Variants in SLC35F4 observed in about 807,000 individuals in gnomAD.
SLC35F4 encodes the protein solute carrier family 35 member F4, also known as chromosome 14 open reading frame 36.
In SLC35F4, 24 loss-of-function variants were observed where a neutral mutation model predicts 44.2. The ratio of observed to expected loss-of-function variants is 0.54; its 90% CI spans 0.39 to 0.76. The LOEUF (loss-of-function observed/expected upper bound fraction) is 0.76, where lower values mean the gene tolerates loss of function less well. Ranked by LOEUF, SLC35F4 falls within the 30% of genes least tolerant of loss-of-function variation. SLC35F4 has a pLI of 0.00. For synonymous variants in SLC35F4, 238 were observed against 223.6 expected, an observed-to-expected ratio of 1.06 and a Z score of -0.57; for missense variants, 562 against 586.1, an observed-to-expected ratio of 0.96 and a Z score of 0.42.
chr14:57,828,682 G>A (rs1354567559), intron 1 of SLC35F4, among the ~76,000 whole-genome samples: 1 of 152,086 alleles, frequency 6.6e-6, no homozygotes, highest in Non-Finnish European at 1.5e-5. Flanking sequence ...CACCACTCCT[G>A]GTCTCAGTGG....
chr14:57,659,589 C>G (rs747712375), intron 1 of SLC35F4, among the ~76,000 whole-genome samples: 17 of 152,122 alleles, frequency 1.1e-4, no homozygotes, highest in Non-Finnish European at 1.9e-4. Flanking sequence ...GGTAAAGTAT[C>G]TTGTCCAAGG....
intron 1 of SLC35F4, among the ~76,000 whole-genome samples, chr14:57,675,476 T>C (rs2074661941): frequency 6.6e-6 from 1 of 152,034 alleles, no homozygotes; most frequent in African/African-American, 2.4e-5. Context: ...CAATTTGACT[T>C]CCTCTTTTCC....
intron 1 of SLC35F4, among the ~76,000 whole-genome samples, chr14:57,697,760 C>T (rs1291627560): frequency 2.0e-5 from 3 of 151,630 alleles, no homozygotes; most frequent in African/African-American, 7.3e-5. Flanking sequence ...ATTCCATTGC[C>T]AGAATAAGTT....
intron 1 of SLC35F4, among the ~76,000 whole-genome samples, chr14:57,646,338 T>C (rs1293104563): frequency 1.3e-5 from 2 of 152,212 alleles, no homozygotes; most frequent in African/African-American, 2.4e-5. Flanking sequence ...CACTTCTTCC[T>C]GGTTTAGTCT....
At chr14:57,759,436 T>C (rs2077070638) in intron 1 of SLC35F4, among the ~76,000 whole-genome samples, 1 of 152,060 alleles carries the variant, frequency 6.6e-6, no homozygotes, top group Admixed American at 6.6e-5. Context: ...AAAAATTAGC[T>C]AGGCATAGTG....
chr14:57,625,401 T>A (rs899443341), intron 1 of SLC35F4, among the ~76,000 whole-genome samples: 3 of 152,128 alleles, frequency 2.0e-5, no homozygotes, highest in Admixed American at 6.6e-5. Flanking sequence ...AATTCAATGC[T>A]ATCCCTATCA....
intron 1 of SLC35F4, among the ~76,000 whole-genome samples, chr14:57,900,422 C>T (rs1479628699): frequency 6.8e-6 from 1 of 147,920 alleles, no homozygotes; most frequent in Non-Finnish European, 1.5e-5. Context: ...CACCTCTGGC[C>T]CCCACACTAA....
At chr14:57,974,004 T>C (rs1006187145), downstream of SLC35F4, among the ~76,000 whole-genome samples, 2 of 152,148 alleles carry the variant, frequency 1.3e-5, no homozygotes, top group Non-Finnish European at 2.9e-5. Context: ...CCCCAAGAGT[T>C]AGTGGCTTAA....
intron 1 of SLC35F4, among the ~76,000 whole-genome samples, chr14:57,611,704 T>C (rs2071519755): frequency 6.6e-6 from 1 of 151,674 alleles, no homozygotes; most frequent in African/African-American, 2.4e-5. Context: ...ACCTCCCAGG[T>C]GATTAATGAA....
chr14:57,929,740 C>A lies in SLC35F4; in HGVS notation n.282+52173G>T, dbSNP rs538732314. ...ATTATCTTCTTTCTCCAGAAGAAAG[C>A]CGCATGTTATAAAATGTCAGACAGC... On this transcript the variant is annotated intron_variant and non_coding_transcript_variant, in intron 1 of 1. Transcript: ENST00000556568. Among the ~76,000 whole-genome samples, 8 of 152,238 alleles carry A rather than the reference C, an allele frequency of 5.3e-5. No individual in the cohort carries two copies. In the East Asian group the frequency reaches 1.5e-3, roughly 29 times the overall value.
chr14:57,839,678 G>A (rs958474909), intron 1 of SLC35F4, among the ~76,000 whole-genome samples: 4 of 151,944 alleles, frequency 2.6e-5, no homozygotes, highest in South Asian at 2.1e-4. Flanking sequence ...TGGGTGGATC[G>A]GTGCAGCAAA....
intron 1 of SLC35F4, among the ~76,000 whole-genome samples, chr14:57,823,489 G>A (rs965693298): frequency 6.6e-6 from 1 of 152,172 alleles, no homozygotes; most frequent in African/African-American, 2.4e-5. Context: ...CAGGGGAGTG[G>A]CATAAATTTG....
At chr14:57,636,399 A>C (rs1487185646) in intron 1 of SLC35F4, among the ~76,000 whole-genome samples, 1 of 152,120 alleles carries the variant, frequency 6.6e-6, no homozygotes, top group Non-Finnish European at 1.5e-5. Flanking sequence ...ACACATTTGC[A>C]GCACACTTGT....
intron 1 of SLC35F4, among the ~76,000 whole-genome samples, chr14:57,628,445 C>G (rs998366141): frequency 9.2e-5 from 13 of 141,128 alleles, no homozygotes; most frequent in Non-Finnish European, 1.8e-4. Context: ...TATCCCTCCC[C>G]TAGCCTCCCA....
upstream of SLC35F4, among the ~76,000 whole-genome samples, chr14:57,870,348 G>C (rs1356723292): frequency 6.6e-6 from 1 of 152,102 alleles, no homozygotes; most frequent in East Asian, 1.9e-4. Context: ...CTTTGGAGCA[G>C]ACTGCCAGGA....
At chr14:57,977,694 AT>A (rs1477438169) in intron 1 of SLC35F4, among the ~76,000 whole-genome samples, 1 of 152,122 alleles carries the variant, frequency 6.6e-6, no homozygotes, top group East Asian at 1.9e-4. Context: ...TTTTACTGAC[AT>A]TTTTCCTCCA....
intron 1 of SLC35F4, among the ~76,000 whole-genome samples, chr14:57,960,020 A>T (rs1890310724): frequency 6.6e-6 from 1 of 152,196 alleles, no homozygotes; most frequent in African/African-American, 2.4e-5. Context: ...ACCCAGAGAC[A>T]GGGCTCTGGA....
rs1260866379 is a variant in SLC35F4 at position 57,589,245 on chromosome 14, T to C, written c.558A>G (p.Gln186=). The change falls in exon 3 of 8, where the codon CAA becomes CAG. Residue 186 remains glutamine, a synonymous_variant. Transcript: ENST00000556826. ...ATTTTTTCATTGGAGATTGCTTTTC[T>C]TGAGCAGTGGCTAGATGACCAGAAT... ...VYYSGHLATA[Q]EKQSPMKKFR... The C allele has an allele frequency of 1.2e-6, 2 of 1,611,052 alleles. No homozygotes were observed. The highest frequency in any genetic ancestry group is 1.7e-6 in the Non-Finnish European group (2 of 1,178,540).
intron 1 of SLC35F4, among the ~76,000 whole-genome samples, chr14:57,738,551 G>A (rs985183514): frequency 4.6e-5 from 7 of 151,554 alleles, no homozygotes; most frequent in Non-Finnish European, 8.8e-5. Context: ...CCCATGTTCT[G>A]GTATAGATTA....
Sources: gnomAD v4.1 joint callset for allele counts (sites outside exome capture counted in the v4.1 genomes callset) on GRCh38, gnomAD v4.1.1 for gene constraint, MANE v1.5 for transcripts, NCBI Gene and HGNC (gene_info 2026-07-23, HGNC 2026-07-21) for gene names.